Variants in KLRG1 observed in about 807,000 individuals in gnomAD.
The protein encoded by KLRG1 is killer cell lectin like receptor G1, also known as killer cell lectin-like receptor subfamily G member 1.
Under a neutral mutation model 21.8 loss-of-function variants are expected in KLRG1, and 16 were observed. That is an observed-to-expected ratio of 0.73 (90% CI 0.50 to 1.11). The LOEUF (loss-of-function observed/expected upper bound fraction) is 1.11, where lower values mean the gene tolerates loss of function less well. KLRG1 is among the 50% of genes most tolerant of loss of function. KLRG1 has a pLI of 0.00. For synonymous variants in KLRG1, 69 were observed against 75.9 expected, an observed-to-expected ratio of 0.91 and a Z score of 0.47; for missense variants, 173 against 218.3, an observed-to-expected ratio of 0.79 and a Z score of 1.31.
At chr12:9,146,563 T>G in the KLRG1 span, among the ~76,000 whole-genome samples, 1 of 152,196 alleles carries the variant, frequency 6.6e-6, no homozygotes, top group Non-Finnish European at 1.5e-5. Context: ...AATTCTTCAT[T>G]TTCTTTGACT....
chr12:9,160,121 A>T, the KLRG1 span: 1 of 1,272,794 alleles, frequency 7.9e-7, no homozygotes, highest in Non-Finnish European at 1.1e-6. Context: ...TGGACATTTT[A>T]TGACCTTCTG....
intron 1 of KLRG1, among the ~76,000 whole-genome samples, chr12:8,961,587 ATT>A (rs35020239): frequency 3.2e-4 from 46 of 145,470 alleles, no homozygotes; most frequent in South Asian, 8.7e-4. Context: ...TAATTTTTGT[ATT>A]TTTTTTTTTT....
the KLRG1 span, chr12:9,115,739 T>C: frequency 2.5e-6 from 4 of 1,580,588 alleles, no homozygotes; most frequent in Non-Finnish European, 3.5e-6. Context: ...AGGTTCATGC[T>C]TCACGCTCTC....
chr12:9,080,139 G>T, the KLRG1 span: 1 of 1,589,418 alleles, frequency 6.3e-7, no homozygotes, highest in Non-Finnish European at 8.6e-7. Flanking sequence ...ACCACATTTG[G>T]TGGCAGTTTC....
the KLRG1 span, among the ~76,000 whole-genome samples, chr12:9,150,314 G>T: frequency 0.023 from 3,466 of 151,984 alleles, 136 homozygotes; most frequent in African/African-American, 0.078. Flanking sequence ...ACGGAGTCTC[G>T]CACCGTCACC....
At chr12:9,192,340 T>A in the KLRG1 span, 1 of 1,392,788 alleles carries the variant, frequency 7.2e-7, no homozygotes, top group Non-Finnish European at 1.0e-6. Context: ...CACTTTCAGT[T>A]GTCAAGTCTG....
the KLRG1 span, among the ~76,000 whole-genome samples, chr12:9,071,011 G>C: frequency 6.6e-6 from 1 of 151,956 alleles, no homozygotes; most frequent in Non-Finnish European, 1.5e-5. Context: ...GTACAGACGG[G>C]GTTTCTCCAT....
At chr12:9,213,215 C>G in the KLRG1 span, among the ~76,000 whole-genome samples, 1 of 152,260 alleles carries the variant, frequency 6.6e-6, no homozygotes, top group Non-Finnish European at 1.5e-5. Flanking sequence ...TTTTGTTTAT[C>G]CATTCCTCAG....
the KLRG1 span, among the ~76,000 whole-genome samples, chr12:9,107,925 C>A: frequency 6.6e-6 from 1 of 151,412 alleles, no homozygotes; most frequent in East Asian, 1.9e-4. Flanking sequence ...AAAACTTAAA[C>A]CCGTTCTTAA....
intron 1 of KLRG1, among the ~76,000 whole-genome samples, chr12:8,980,659 A>C (rs774355758): frequency 6.6e-6 from 1 of 152,274 alleles, no homozygotes; most frequent in East Asian, 1.9e-4. Context: ...GCACACATGC[A>C]ATGCTGGGCT....
chr12:8,982,186 G>A (rs1156916714), intron 1 of KLRG1, among the ~76,000 whole-genome samples: 2 of 152,158 alleles, frequency 1.3e-5, no homozygotes, highest in Admixed American at 6.6e-5. Flanking sequence ...TGTTCACGTG[G>A]GTTCAAGGTA....
At chr12:9,022,185 T>G in the KLRG1 span, among the ~76,000 whole-genome samples, 1 of 152,186 alleles carries the variant, frequency 6.6e-6, no homozygotes, top group Non-Finnish European at 1.5e-5. Context: ...AACAGTTGTT[T>G]ATTATCATTA....
Position 8,995,262 on chromosome 12 carries a change from CT to C in KLRG1, c.333del (p.Val112Ter), listed in dbSNP as rs1162939684. On this transcript the variant is annotated frameshift_variant, in exon 3 of 5. Coordinates refer to ENST00000356986, the MANE Select transcript of KLRG1 (RefSeq NM_005810.4). LOFTEE classifies it high-confidence loss of function. The part of the protein sequence containing the change: ...EFCLARDSHL[L>X]VITDNQEMSL... ...CTGCCTAGCCAGAGACTCACACCTCCTTGTGATAACGGACAATCAGGAAATG... is the reference window on the plus strand; with the variant it reads ...CTGCCTAGCCAGAGACTCACACCTCCTGTGATAACGGACAATCAGGAAATG... 6 of 1,610,950 alleles carry C rather than the reference CT, an allele frequency of 3.7e-6. No homozygotes were observed. Among genetic ancestry groups the C allele is most frequent in the Non-Finnish European group, 5.1e-6 (6 of 1,179,118 alleles).
At chr12:9,198,467 A>C in the KLRG1 span, among the ~76,000 whole-genome samples, 2 of 152,206 alleles carry the variant, frequency 1.3e-5, no homozygotes, top group Non-Finnish European at 2.9e-5. Flanking sequence ...GAATTGAATA[A>C]AAATAAGTAC....
At chr12:9,150,524 T>A in the KLRG1 span, 1 of 668,340 alleles carries the variant, frequency 1.5e-6, no homozygotes, top group Non-Finnish European at 2.5e-6. Flanking sequence ...ATAGTGTACA[T>A]CTTGGAGGAA....
At chr12:8,958,565 A>T (rs1283261820) in intron 1 of KLRG1, among the ~76,000 whole-genome samples, 1 of 152,184 alleles carries the variant, frequency 6.6e-6, no homozygotes, top group African/African-American at 2.4e-5. Context: ...CTGTTAAAAA[A>T]TCCTGCTGGG....
chr12:9,053,681 G>A, the KLRG1 span, among the ~76,000 whole-genome samples: 1 of 152,122 alleles, frequency 6.6e-6, no homozygotes, highest in Non-Finnish European at 1.5e-5. Context: ...GCCTGTGCTC[G>A]GACCTGCTTC....
the KLRG1 span, among the ~76,000 whole-genome samples, chr12:9,187,596 A>G: frequency 6.6e-6 from 1 of 152,232 alleles, no homozygotes; most frequent in African/African-American, 2.4e-5. Flanking sequence ...GTAAATAATG[A>G]AATTTTGGCA....
intron 1 of KLRG1, among the ~76,000 whole-genome samples, chr12:8,954,203 G>A (rs1592230710): frequency 6.6e-6 from 1 of 152,056 alleles, no homozygotes; most frequent in Non-Finnish European, 1.5e-5. Context: ...AATATGATAT[G>A]ATATCGGTTG....
Sources: gnomAD v4.1 joint callset for allele counts (sites outside exome capture counted in the v4.1 genomes callset) on GRCh38, gnomAD v4.1.1 for gene constraint, MANE v1.5 for transcripts, NCBI Gene and HGNC (gene_info 2026-07-23, HGNC 2026-07-21) for gene names.